Variants in APBA2 observed in about 807,000 individuals in gnomAD.
The protein encoded by APBA2 is amyloid beta precursor protein binding family A member 2, also known as amyloid-beta A4 precursor protein-binding family A member 2.
In APBA2, 30 loss-of-function variants were observed where a neutral mutation model predicts 75.0. That is an observed-to-expected ratio of 0.40 (90% CI 0.30 to 0.54). The LOEUF (loss-of-function observed/expected upper bound fraction) is 0.54. Among genes scored for constraint, APBA2 ranks in the 20% least tolerant of loss-of-function variants. The pLI is 0.49. For synonymous variants in APBA2, 444 were observed against 409.6 expected, an observed-to-expected ratio of 1.08 and a Z score of -1.01; for missense variants, 801 against 1,016.1, an observed-to-expected ratio of 0.79 and a Z score of 2.88.
chr15:29,035,233 G>GT (rs1160805284), intron 3 of APBA2, among the ~76,000 whole-genome samples: 1 of 152,216 alleles, frequency 6.6e-6, no homozygotes, highest in African/African-American at 2.4e-5. Context: ...GACAGGCAGA[G>GT]GAGTAAGGGC....
At chr15:28,895,921 G>C (rs1451856948) in intron 1 of APBA2, among the ~76,000 whole-genome samples, 1 of 152,140 alleles carries the variant, frequency 6.6e-6, no homozygotes, top group Non-Finnish European at 1.5e-5. Context: ...AGACCAGCCT[G>C]GGTAACGTAA....
chr15:29,116,935 T>C (rs1016193415), intron 14 of APBA2, 127 bp from the exon 15 acceptor site: 2 of 1,050,038 alleles, frequency 1.9e-6, no homozygotes, highest in African/African-American at 3.1e-5. Flanking sequence ...CTGGCCTTCC[T>C]CCTTCACTCT....
chr15:29,049,595 C>T (rs1343007927), intron 3 of APBA2, among the ~76,000 whole-genome samples: 2 of 152,156 alleles, frequency 1.3e-5, no homozygotes, highest in Non-Finnish European at 2.9e-5. Flanking sequence ...AAAATACAGG[C>T]ACCTCTTCAC....
intron 3 of APBA2, among the ~76,000 whole-genome samples, chr15:29,021,573 C>T (rs1041954134): frequency 5.9e-5 from 9 of 152,116 alleles, no homozygotes; most frequent in Admixed American, 6.5e-5. Flanking sequence ...ATTGCCACAG[C>T]GTGTGCCGTA....
At position 28,893,682 on chromosome 15, in the gene APBA2, GTCA is replaced by G. The variant is rs555604042; in HGVS notation, c.-205+7407_-205+7409del. Among the ~76,000 whole-genome samples, 499 of 152,286 alleles carry G rather than the reference GTCA, an allele frequency of 3.3e-3. 4 individuals are homozygous for G. Among genetic ancestry groups the G allele is most frequent in the African/African-American group, 0.012 (479 of 41,554 alleles). ...GGTTCAGGTACTTGGAGAGGAGCGT[GTCA>G]TCGTTTTGCAGGTTGGATGTGCGGT... On this transcript the variant is annotated intron_variant, in intron 1 of 14. Coordinates refer to ENST00000683413, the MANE Select transcript of APBA2 (RefSeq NM_001353788.2).
intron 2 of APBA2, among the ~76,000 whole-genome samples, chr15:28,934,203 A>G (rs555355477): frequency 1.4e-4 from 22 of 152,240 alleles, no homozygotes; most frequent in Admixed American, 1.4e-3. Flanking sequence ...GGCCGGTGCC[A>G]CTGCAGGCTT....
chr15:29,029,092 T>G (rs1405572459), intron 3 of APBA2, among the ~76,000 whole-genome samples: 1 of 152,226 alleles, frequency 6.6e-6, no homozygotes, highest in Non-Finnish European at 1.5e-5. Context: ...GGTGCCTATG[T>G]CCTGAATGGT....
chr15:29,002,041 C>G (rs1332735327), intron 3 of APBA2, among the ~76,000 whole-genome samples: 1 of 152,174 alleles, frequency 6.6e-6, no homozygotes, highest in Non-Finnish European at 1.5e-5. Flanking sequence ...AGTCCCCGGT[C>G]ACATTAGGTT....
At chr15:29,101,567 T>G (rs747030618) in intron 9 of APBA2, 32 bp from the exon 10 acceptor site, 4 of 1,603,960 alleles carry the variant, frequency 2.5e-6, no homozygotes, top group Non-Finnish European at 3.4e-6. Flanking sequence ...CCAGTAGTGT[T>G]CCCTGACGTG....
intron 2 of APBA2, among the ~76,000 whole-genome samples, chr15:28,957,314 AT>A (rs2036226462): frequency 6.6e-6 from 1 of 151,982 alleles, no homozygotes; most frequent in Non-Finnish European, 1.5e-5. Context: ...TGACCTCGTG[AT>A]CCGCCCGCCT....
intron 2 of APBA2, chr15:28,977,427 GA>G (rs1275950950): frequency 2.0e-5 from 3 of 152,154 alleles, no homozygotes; most frequent in Non-Finnish European, 4.4e-5. Flanking sequence ...CCACCCCCAA[GA>G]TTTTCCTAAG....
chr15:29,078,820 C>A (rs1295496384), intron 6 of APBA2, among the ~76,000 whole-genome samples: 1 of 152,090 alleles, frequency 6.6e-6, no homozygotes, highest in Non-Finnish European at 1.5e-5. Context: ...GGGCTGAAGT[C>A]CACACCAGCT....
chr15:29,034,034 A>G (rs1256209414), intron 3 of APBA2, among the ~76,000 whole-genome samples: 2 of 151,770 alleles, frequency 1.3e-5, no homozygotes, highest in Admixed American at 6.6e-5. Flanking sequence ...TTCCAGATGC[A>G]AAGCTTTGGC....
intron 2 of APBA2, among the ~76,000 whole-genome samples, chr15:28,980,153 C>A (rs1595631169): frequency 6.6e-6 from 1 of 152,030 alleles, no homozygotes; most frequent in Non-Finnish European, 1.5e-5. Context: ...TTGGGGGAAC[C>A]AGAAAAGATC....
At chr15:29,015,398 C>T (rs1483882767) in intron 3 of APBA2, among the ~76,000 whole-genome samples, 1 of 152,154 alleles carries the variant, frequency 6.6e-6, no homozygotes, top group East Asian at 1.9e-4. Context: ...CCCAGCTCTC[C>T]TGGGGTTGAC....
At chr15:29,030,928 A>G (rs1179096268) in intron 3 of APBA2, among the ~76,000 whole-genome samples, 1 of 151,290 alleles carries the variant, frequency 6.6e-6, no homozygotes, top group African/African-American at 2.4e-5. Flanking sequence ...TGCTTGGTTT[A>G]TATTTTGAAG....
chr15:29,003,750 G>A (rs1195175654), intron 3 of APBA2, among the ~76,000 whole-genome samples: 1 of 152,260 alleles, frequency 6.6e-6, no homozygotes, highest in African/African-American at 2.4e-5. Context: ...AGGCATGGCT[G>A]CAGCTGCAGT....
At chr15:29,025,844 G>A (rs1032414037) in intron 3 of APBA2, among the ~76,000 whole-genome samples, 14 of 151,926 alleles carry the variant, frequency 9.2e-5, no homozygotes, top group Admixed American at 3.3e-4. Flanking sequence ...CCAGCTACTC[G>A]GGAGGCTGAG....
chr15:28,915,093 CAT>C (rs2033609486), intron 1 of APBA2, among the ~76,000 whole-genome samples: 1 of 145,160 alleles, frequency 6.9e-6, no homozygotes, highest in African/African-American at 2.6e-5. Flanking sequence ...ACACCACAAA[CAT>C]ACCATACCCA....
Sources: gnomAD v4.1 joint callset for allele counts (sites outside exome capture counted in the v4.1 genomes callset) on GRCh38, gnomAD v4.1.1 for gene constraint, MANE v1.5 for transcripts, NCBI Gene and HGNC (gene_info 2026-07-23, HGNC 2026-07-21) for gene names.